The following NID2 variants were observed in gnomAD, a reference collection of about 807,000 sequenced individuals.
NID2 encodes nidogen-2.
A neutral mutation model predicts 145.4 loss-of-function variants in NID2; 83 were observed. The ratio of observed to expected loss-of-function variants is 0.57; its 90% confidence interval spans 0.48 to 0.69. NID2 has a LOEUF of 0.69. Ranked by LOEUF, NID2 falls within the 30% of genes least tolerant of loss-of-function variation. The pLI, the probability that NID2 is intolerant of heterozygous loss-of-function variation, is 0.00. For synonymous variants in NID2, 739 were observed against 701.3 expected (o/e 1.05, Z -0.85); for missense variants, 1,807 against 1,765.7 (o/e 1.02, Z -0.42).
intron 2 of NID2, among the ~76,000 whole-genome samples, chr14:52,066,045 GT>G (rs1893196872): frequency 6.6e-6 from 1 of 151,744 alleles, no homozygotes; most frequent in Admixed American, 6.6e-5. Context: ...GGGTCAAATG[GT>G]ATTTCTAGTT....
chr14:52,053,162 A>G (rs1892730781), intron 5 of NID2, among the ~76,000 whole-genome samples: 1 of 152,250 alleles, frequency 6.6e-6, no homozygotes, highest in South Asian at 2.1e-4. Context: ...TGAATCTGGC[A>G]TGTTCATCTG....
chr14:52,014,709 T>G (rs891727880), intron 15 of NID2, among the ~76,000 whole-genome samples: 1 of 151,848 alleles, frequency 6.6e-6, no homozygotes, highest in Non-Finnish European at 1.5e-5. Flanking sequence ...AGAACAGATT[T>G]TTTTTTCAAG....
chr14:52,031,654 A>G (rs2140383349), intron 9 of NID2, among the ~76,000 whole-genome samples: 1 of 152,312 alleles, frequency 6.6e-6, no homozygotes. Context: ...CACAGACACC[A>G]GCATCATGGC....
intron 9 of NID2, among the ~76,000 whole-genome samples, chr14:52,030,567 A>AGAAAGAACGAACGAAC (rs66551436): frequency 1.0e-5 from 1 of 99,270 alleles, no homozygotes. Flanking sequence ...AAAGAAAGAA[A>AGAAAGAACGAACGAAC]GGAAGGAAGG....
intron 10 of NID2, 138 bp downstream of exon 10, chr14:52,029,409 T>C (rs1312876507): frequency 1.2e-6 from 1 of 815,248 alleles, no homozygotes; most frequent in Non-Finnish European, 1.9e-6. Context: ...ATAACTATAT[T>C]CAGATTAACA....
At chr14:52,050,980 T>A (rs1022421879) in intron 5 of NID2, among the ~76,000 whole-genome samples, 1 of 152,130 alleles carries the variant, frequency 6.6e-6, no homozygotes, top group African/African-American at 2.4e-5. Flanking sequence ...GGTGCTTGGG[T>A]AACTTTTTGA....
chr14:52,060,329 A>C lies in NID2; in HGVS notation c.562T>G (p.Ser188Ala). The C allele has an allele frequency of 6.4e-7, 1 of 1,573,002 alleles. No homozygotes were observed. Among genetic ancestry groups the C allele is most frequent in the Non-Finnish European group, 8.7e-7 (1 of 1,154,482 alleles). The change falls in exon 3 of 22, where the codon TCT becomes GCT. Residue 188 changes from serine (S) to alanine (A), a missense_variant. By Grantham distance (99) the Ser-to-Ala change is moderately conservative. Coordinates refer to ENST00000216286, the MANE Select transcript of NID2 (RefSeq NM_007361.4). Reference sequence around the variant, plus strand: ...AGGGCGTAGCTATCAGACCCATCAGATGCCAAAACTGCCTGGAAAGTGTTC... The same window carrying C: ...AGGGCGTAGCTATCAGACCCATCAGCTGCCAAAACTGCCTGGAAAGTGTTC... ...ELNTFQAVLA[S>A]DGSDSYALFL...
chr14:52,041,293 T>C (rs1331625805), intron 7 of NID2, among the ~76,000 whole-genome samples: 3 of 152,238 alleles, frequency 2.0e-5, no homozygotes, highest in Non-Finnish European at 4.4e-5. Context: ...AAATTGTTTA[T>C]CTGAAATACA....
At chr14:52,057,070 C>A (rs574450270) in intron 3 of NID2, among the ~76,000 whole-genome samples, 1 of 152,150 alleles carries the variant, frequency 6.6e-6, no homozygotes, top group Non-Finnish European at 1.5e-5. Flanking sequence ...TAGGGTCTCC[C>A]TCTGTCACCC....
chr14:52,012,885 C>T (rs2140350344), intron 16 of NID2, among the ~76,000 whole-genome samples: 1 of 152,304 alleles, frequency 6.6e-6, no homozygotes, highest in African/African-American at 2.4e-5. Context: ...CAAGTTCCTG[C>T]CTTGCCTAAC....
intron 9 of NID2, among the ~76,000 whole-genome samples, chr14:52,033,731 T>G (rs371219789): frequency 1.3e-5 from 2 of 152,218 alleles, no homozygotes; most frequent in Non-Finnish European, 2.9e-5. Flanking sequence ...TTTTCCCTCC[T>G]ATTCAGGTAG....
At chr14:52,013,902 T>A (rs1891118744) in intron 16 of NID2, among the ~76,000 whole-genome samples, 1 of 152,258 alleles carries the variant, frequency 6.6e-6, no homozygotes. Context: ...ACCTTGTGAC[T>A]AGTTGTCCTG....
At chr14:52,040,063 C>T (rs1375673044) in intron 8 of NID2, among the ~76,000 whole-genome samples, 8 of 152,190 alleles carry the variant, frequency 5.3e-5, no homozygotes, top group Non-Finnish European at 1.2e-4. Flanking sequence ...GCCTCAGCCT[C>T]CCAAGTAGCT....
rs1401930420 is a variant in NID2 at position 52,054,228 on chromosome 14, A to G, written c.861T>C (p.Leu287=). The change falls in exon 4 of 22, where the codon CTT becomes CTC. Residue 287 remains leucine (L), a synonymous_variant. Transcript: ENST00000216286. ...DNVRPAAVGD[L]SAAHSSVPLG... is the part of the protein sequence containing the mutation. Reference sequence around the variant, plus strand: ...GGGGAACAGAAGAGTGGGCAGCGGAAAGGTCTCCAACTGCAGCTGGCCTGA... The same window carrying G: ...GGGGAACAGAAGAGTGGGCAGCGGAGAGGTCTCCAACTGCAGCTGGCCTGA... 3 of 1,614,178 alleles carry G rather than the reference A, an allele frequency of 1.9e-6. No individual in the cohort carries two copies. In the Admixed American group the frequency reaches 5.0e-5, roughly 27 times the overall value.
Position 52,010,958 on chromosome 14 carries a change from G to A in NID2, c.3640C>T (p.Leu1214=), listed in dbSNP as rs1890991688. 6.2e-7 allele frequency: 1 copy of A among 1,614,022 alleles called. No individual in the cohort carries two copies. Among genetic ancestry groups the A allele is most frequent in the African/African-American group, 1.3e-5 (1 of 74,934 alleles). The change falls in exon 18 of 22, where the codon CTG becomes TTG. Residue 1214 remains leucine, a synonymous_variant. Transcript: ENST00000216286. ...DSVLDKIESA[L]LDGSERKVLF... ...ACCTTGCGCTCAGAGCCATCCAGCA[G>A]GGCGCTCTCTATCTTATCCAGGACA...
Position 52,030,516 on chromosome 14 carries a change from A to G in NID2, c.2258-826T>C, listed in dbSNP as rs201720544. ...AAGAAAGAAAGAGAAAGAAAGAAAG[A>G]AAAGAAAGAAAGAAAGAAAGAAAGA... is the stretch of plus-strand genomic sequence containing the variant. On this transcript the variant is annotated intron_variant, in intron 9 of 21. Coordinates refer to ENST00000216286, the MANE Select transcript of NID2 (RefSeq NM_007361.4). 1.6e-4 allele frequency among the ~76,000 whole-genome samples: 10 copies of G among 63,100 alleles called. 1 individual carries two copies. Among genetic ancestry groups the G allele is most frequent in the South Asian group, 1.1e-3 (2 of 1,808 alleles). 41.4% of individuals were successfully genotyped at this position (63,100 alleles called of 152,430 possible).
intron 2 of NID2, among the ~76,000 whole-genome samples, chr14:52,061,978 C>T (rs1457503829): frequency 6.6e-6 from 1 of 152,118 alleles, no homozygotes; most frequent in Non-Finnish European, 1.5e-5. Context: ...GTATCATTAC[C>T]TTTCCATTCT....
At chr14:52,011,269 G>A (rs546134307) in intron 17 of NID2, among the ~76,000 whole-genome samples, 48 of 152,258 alleles carry the variant, frequency 3.2e-4, no homozygotes, top group African/African-American at 9.4e-4. Context: ...GATGACAACC[G>A]GCATCCACAG....
intron 15 of NID2, among the ~76,000 whole-genome samples, 181 bp from the exon 16 acceptor site, chr14:52,014,637 A>G (rs576902015): frequency 6.6e-6 from 1 of 152,240 alleles, no homozygotes; most frequent in East Asian, 1.9e-4. Flanking sequence ...TTAAGGATCA[A>G]TTATGTAAAT....
Sources: gnomAD v4.1 joint callset for allele counts (sites outside exome capture counted in the v4.1 genomes callset) on GRCh38, gnomAD v4.1.1 for gene constraint, MANE v1.5 for transcripts, NCBI Gene and HGNC (gene_info 2026-07-23, HGNC 2026-07-21) for gene names.